The following CCAR2 variants were observed in gnomAD, a reference collection of about 807,000 sequenced individuals.
CCAR2 encodes the protein cell cycle and apoptosis regulator protein 2.
In CCAR2, 21 loss-of-function variants were observed where a neutral mutation model predicts 108.1. That is an observed-to-expected ratio of 0.19 (90% CI 0.14 to 0.28). The LOEUF (loss-of-function observed/expected upper bound fraction) is 0.28, where lower values mean the gene tolerates loss of function less well. CCAR2 is among the 10% of genes least tolerant of loss of function. The pLI is 1.00. For missense variants in CCAR2, 1,126 were observed against 1,177.0 expected, an observed-to-expected ratio of 0.96 and a Z score of 0.63; for synonymous variants, 577 against 472.8, an observed-to-expected ratio of 1.22 and a Z score of -2.86.
Position 22,620,023 on chromosome 8 carries a change from G to GA in CCAR2, c.*346dup. 1 of 312,480 alleles carries GA rather than the reference G, an allele frequency of 3.2e-6. No homozygotes were observed. The highest frequency in any genetic ancestry group is 6.1e-6 in the Non-Finnish European group (1 of 163,704). 19.4% of individuals were successfully genotyped at this position (312,480 alleles called of 1,614,324 possible). A position where few individuals can be genotyped will look rare whatever the true frequency, so the allele number is the denominator to read the frequency against. ...TTCCAGTTTAGAATAAGACAGGGGA[G>GA]AAAAAGGCTTTTCGAGTGTGGGACA... On this transcript the variant is annotated 3_prime_UTR_variant, in exon 21 of 21. Coordinates refer to ENST00000308511, the MANE Select transcript of CCAR2 (RefSeq NM_001393997.1).
chr8:22,606,272 T>A (rs1801075520), intron 3 of CCAR2, 96 bp downstream of exon 3: 6 of 1,064,140 alleles, frequency 5.6e-6, no homozygotes, highest in Admixed American at 1.8e-5. Flanking sequence ...TGTTTATCAT[T>A]CCTGATCCCT....
intron 18 of CCAR2, 36 bp downstream of exon 18, chr8:22,618,764 G>A (rs200461244): frequency 1.1e-5 from 17 of 1,612,960 alleles, no homozygotes; most frequent in East Asian, 2.2e-5. Context: ...CCTGGGGCAC[G>A]GGCAGGGCAG....
chr8:22,612,995 T>C lies in CCAR2; in HGVS notation c.585-22T>C, dbSNP rs1202140747. 4 of 1,608,922 alleles carry C rather than the reference T, an allele frequency of 2.5e-6. No homozygotes were observed. The Admixed American group carries it at 6.8e-5, about 27-fold the overall frequency. Reference sequence around the variant, plus strand: ...CATATAACAATGTGGTTTCTTACTGTTGGTGATGGGTCAACCTCTAGTGAT... The same window carrying C: ...CATATAACAATGTGGTTTCTTACTGCTGGTGATGGGTCAACCTCTAGTGAT... On this transcript the variant is annotated intron_variant, in intron 7 of 20. Transcript: ENST00000308511.
chr8:22,621,184 TAAA>T (rs1170070585), downstream of CCAR2: 7 of 539,268 alleles, frequency 1.3e-5, no homozygotes, highest in Non-Finnish European at 2.0e-5. Flanking sequence ...GTTCTCCAAA[TAAA>T]AAAGCCCCAA....
chr8:22,621,118 T>C (rs951204540), downstream of CCAR2: 32 of 330,240 alleles, frequency 9.7e-5, no homozygotes, highest in Non-Finnish European at 1.7e-4. Context: ...ACGAAGCCCA[T>C]GGCCTCAGAA....
rs1265569700 is a variant in CCAR2, at chr8:22,614,290, C to T, written c.903C>T (p.Asp301=). The change falls in exon 9 of 21, where the codon GAC becomes GAT. Residue 301 remains aspartate, a synonymous_variant. Transcript: ENST00000308511. ...CTGGTGCTGAGCCCATCACTGCAGACAGTGACCCCGCTTATAGTTCGAAGG... is the reference window on the plus strand; with the variant it reads ...CTGGTGCTGAGCCCATCACTGCAGATAGTGACCCCGCTTATAGTTCGAAGG... The part of the protein sequence containing the change: ...PDAGAEPITA[D]SDPAYSSKVL... 1 of 1,614,098 alleles carries T rather than the reference C, an allele frequency of 6.2e-7. No homozygotes were observed. The highest frequency in any genetic ancestry group is 1.1e-5 in the South Asian group (1 of 91,084).
chr8:22,605,912 C>A, intron 2 of CCAR2, 81 bp downstream of exon 2: 1 of 1,421,222 alleles, frequency 7.0e-7, no homozygotes, highest in Non-Finnish European at 9.9e-7. Context: ...TGGTGGAGAG[C>A]AATTTGCTGC....
chr8:22,614,801 T>G (rs1459516421), intron 10 of CCAR2, 37 bp from the exon 11 acceptor site: 3 of 1,540,426 alleles, frequency 1.9e-6, no homozygotes, highest in East Asian at 2.3e-5. Context: ...CCAGGTAATG[T>G]AGTTTTTTGT....
At chr8:22,610,854 A>G (rs1268968304) in intron 7 of CCAR2, among the ~76,000 whole-genome samples, 2 of 152,146 alleles carry the variant, frequency 1.3e-5, no homozygotes, top group African/African-American at 4.8e-5. Flanking sequence ...CTCTCATGTG[A>G]CATGGGGGGT....
rs1436414702 is a variant in CCAR2, at chr8:22,617,794, G to T, written c.2073+16G>T. On this transcript the variant is annotated intron_variant, in intron 16 of 20. Transcript: ENST00000308511. ...TCAGGACATGGTGAGGCCTCTTCTCGACCACTCTGGGTCTCAGTGGTGGTG... is the reference window on the plus strand; with the variant it reads ...TCAGGACATGGTGAGGCCTCTTCTCTACCACTCTGGGTCTCAGTGGTGGTG... 3 of 1,612,228 alleles carry T rather than the reference G, an allele frequency of 1.9e-6. No individual in the cohort carries two copies. The highest frequency in any genetic ancestry group is 2.2e-5 in the South Asian group (2 of 90,998).
In CCAR2 at chr8:22,617,363, A is replaced by G. The variant is rs573361406; in HGVS notation, c.1846-57A>G. On this transcript the variant is annotated intron_variant, in intron 14 of 20. Transcript: ENST00000308511. ...TACTCAGGTGTCAGCCATGCTTACT[A>G]TTGGTAATTATGGTAACTGCCTGCC... 5.0e-5 allele frequency: 75 copies of G among 1,510,944 alleles called. No individual in the cohort carries two copies. The East Asian group carries it at 9.8e-4, about 20-fold the overall frequency. The allele number at this position is 1,510,944 out of a possible 1,614,324, so 93.6% of individuals were successfully genotyped here. A position where few individuals can be genotyped will look rare whatever the true frequency, so the allele number is the denominator to read the frequency against.
intron 19 of CCAR2, 22 bp downstream of exon 19, chr8:22,619,037 C>A: frequency 1.2e-6 from 2 of 1,610,140 alleles, no homozygotes; most frequent in Non-Finnish European, 1.7e-6. Context: ...GGGCTGCAGC[C>A]ACCATGGGGT....
intron 14 of CCAR2, 176 bp downstream of exon 14, chr8:22,616,424 G>A (rs763653895): frequency 1.6e-6 from 1 of 628,992 alleles, no homozygotes; most frequent in Non-Finnish European, 2.8e-6. Flanking sequence ...AGGTGGCGCA[G>A]AGTGCAGGGA....
chr8:22,616,974 C>G (rs1412450666), intron 14 of CCAR2, among the ~76,000 whole-genome samples: 1 of 95,440 alleles, frequency 1.0e-5, no homozygotes, highest in African/African-American at 4.6e-5. Flanking sequence ...CTCTGCCTCC[C>G]AGGTTCAAAC....
chr8:22,617,245 C>T, intron 14 of CCAR2, 175 bp from the exon 15 acceptor site: 3 of 697,070 alleles, frequency 4.3e-6, no homozygotes, highest in South Asian at 8.4e-5. Flanking sequence ...TGGCGATGCC[C>T]TGGCATGCTC....
downstream of CCAR2, chr8:22,621,066 A>G: frequency 5.0e-6 from 1 of 199,914 alleles, no homozygotes; most frequent in East Asian, 1.3e-4. Flanking sequence ...GGTAGATTTG[A>G]TGCCCACAAC....
intron 3 of CCAR2, 133 bp from the exon 4 acceptor site, chr8:22,606,474 G>C (rs1042129670): frequency 4.1e-6 from 3 of 730,044 alleles, no homozygotes; most frequent in African/African-American, 1.8e-5. Context: ...CACCACACCT[G>C]TACTTCACTC....
chr8:22,616,686 C>T (rs1223086792), intron 14 of CCAR2: 1 of 178,190 alleles, frequency 5.6e-6, no homozygotes, highest in East Asian at 1.4e-4. Flanking sequence ...TGTGGTGGTG[C>T]ATGCCTGTTT....
intron 10 of CCAR2, 100 bp downstream of exon 10, chr8:22,614,603 G>GCAT: frequency 8.6e-7 from 1 of 1,168,712 alleles, no homozygotes; most frequent in Admixed American, 1.9e-5. Flanking sequence ...ATAAAACGAG[G>GCAT]CATCTCAGAG....
Sources: allele counts gnomAD v4.1 joint callset (sites outside exome capture counted in the v4.1 genomes callset), GRCh38; gene constraint gnomAD v4.1.1; transcripts MANE v1.5; gene names NCBI Gene and HGNC (gene_info 2026-07-23, HGNC 2026-07-21).